Variants in MTFR1 observed in about 807,000 individuals in gnomAD.
The protein encoded by MTFR1 is chondrocyte protein with a poly-proline region.
MTFR1 carries 28 observed loss-of-function variants against 38.8 expected under a neutral mutation model. That is an observed-to-expected ratio of 0.72 (90% confidence interval 0.53 to 0.99). The LOEUF (loss-of-function observed/expected upper bound fraction) is 0.99. Ranked by LOEUF, MTFR1 falls within the 50% of genes least tolerant of loss-of-function variation. The pLI, the probability that MTFR1 is intolerant of heterozygous loss-of-function variation, is 0.00. For synonymous variants in MTFR1, 145 were observed against 137.0 expected, an observed-to-expected ratio of 1.06 and a Z score of -0.41; for missense variants, 358 against 395.5, an observed-to-expected ratio of 0.91 and a Z score of 0.81.
chr8:65,688,556 C>G (rs1563449672), intron 3 of MTFR1, among the ~76,000 whole-genome samples: 2 of 148,840 alleles, frequency 1.3e-5, no homozygotes, highest in African/African-American at 4.9e-5. Context: ...TCACGCCATT[C>G]TCCTGCCTCA....
At chr8:65,774,746 T>C (rs1483077419), downstream of MTFR1, among the ~76,000 whole-genome samples, 1 of 151,912 alleles carries the variant, frequency 6.6e-6, no homozygotes, top group Non-Finnish European at 1.5e-5. Flanking sequence ...ACCCATAACA[T>C]GTAACATAAA....
At chr8:65,750,526 GAGAC>G (rs1807897300) in intron 3 of MTFR1, among the ~76,000 whole-genome samples, 1 of 151,188 alleles carries the variant, frequency 6.6e-6, no homozygotes, top group African/African-American at 2.4e-5. Flanking sequence ...GTGTGTGTGT[GAGAC>G]AGAGAGAGAA....
intron 3 of MTFR1, chr8:65,682,702 G>A (rs928443450): frequency 1.1e-6 from 1 of 898,224 alleles, no homozygotes; most frequent in African/African-American, 1.8e-5. Flanking sequence ...CATATAATAA[G>A]CTAAGCAGTT....
chr8:65,658,571 T>A (rs2129048571), intron 1 of MTFR1, among the ~76,000 whole-genome samples: 1 of 152,296 alleles, frequency 6.6e-6, no homozygotes, highest in East Asian at 1.9e-4. Context: ...GCCTATACCA[T>A]CTTCATAACA....
rs1428719252 is a variant in MTFR1, at chr8:65,709,233, TTGGTGCTCTCCACAACA to T, written c.*192_*208del. The T allele has an allele frequency of 1.7e-6, 1 of 576,134 alleles. No individual in the cohort carries two copies. Among genetic ancestry groups the T allele is most frequent in the Admixed American group, 3.0e-5 (1 of 33,808 alleles). The allele number at this position is 576,134 out of a possible 1,614,324, so 35.7% of individuals were successfully genotyped here. A position where few individuals can be genotyped will look rare whatever the true frequency, so the allele number is the denominator to read the frequency against. On this transcript the variant is annotated 3_prime_UTR_variant, in exon 8 of 8. Coordinates refer to ENST00000262146, the MANE Select transcript of MTFR1 (RefSeq NM_014637.4). Reference sequence around the variant, plus strand: ...TTTTGCTTTTGTGAGATGGTCAGCTTTGGTGCTCTCCACAACATGTGTGTTCTGACATGTTTCTAATA... The same window carrying T: ...TTTTGCTTTTGTGAGATGGTCAGCTTTGTGTGTTCTGACATGTTTCTAATA...
chr8:65,684,459 C>T (rs1406923782), intron 3 of MTFR1, among the ~76,000 whole-genome samples: 1 of 151,458 alleles, frequency 6.6e-6, no homozygotes, highest in Non-Finnish European at 1.5e-5. Flanking sequence ...AATCTCGGCT[C>T]ACTGCAACCT....
At chr8:65,773,189 A>G (rs1434182855), downstream of MTFR1, among the ~76,000 whole-genome samples, 1 of 152,202 alleles carries the variant, frequency 6.6e-6, no homozygotes, top group African/African-American at 2.4e-5. Context: ...CACAAAACAC[A>G]CTAGATTACA....
At chr8:65,774,397 G>A (rs911595068), downstream of MTFR1, among the ~76,000 whole-genome samples, 16 of 152,046 alleles carry the variant, frequency 1.1e-4, no homozygotes, top group Admixed American at 2.0e-4. Context: ...AAAGAGCTTT[G>A]AAACTAATCA....
chr8:65,749,206 T>C (rs1807820930), intron 3 of MTFR1, among the ~76,000 whole-genome samples: 1 of 152,238 alleles, frequency 6.6e-6, no homozygotes, highest in East Asian at 1.9e-4. Flanking sequence ...GAACAAATGA[T>C]GACTTTCAGA....
intron 3 of MTFR1, among the ~76,000 whole-genome samples, chr8:65,741,447 A>G (rs1807432258): frequency 6.6e-6 from 1 of 152,212 alleles, no homozygotes; most frequent in South Asian, 2.1e-4. Flanking sequence ...CTGCCAACAA[A>G]AGACCACAGC....
chr8:65,736,886 G>T lies in MTFR1; in HGVS notation c.*48+17405G>T, dbSNP rs533867297. ...TTTGGCTGTACATTCTTGGTATTGAGGCTTTTTTTTTTTTGAGATGGAGTC... is the reference window on the plus strand; with the variant it reads ...TTTGGCTGTACATTCTTGGTATTGATGCTTTTTTTTTTTTGAGATGGAGTC... On this transcript the variant is annotated intron_variant, in intron 3 of 3. Transcript: ENST00000521247. Among the ~76,000 whole-genome samples the T allele has an allele frequency of 2.0e-4, 26 of 127,646 alleles. 1 individual carries two copies. The South Asian group carries it at 5.3e-3, about 26-fold the overall frequency. 83.7% of individuals were successfully genotyped at this position (127,646 alleles called of 152,430 possible).
At chr8:65,716,163 AC>A (rs1474967167) in intron 2 of MTFR1, among the ~76,000 whole-genome samples, 83 of 151,220 alleles carry the variant, frequency 5.5e-4, no homozygotes, top group African/African-American at 1.7e-3. Context: ...AAAAAAAAAA[AC>A]AAAAGGGCTA....
Position 65,682,942 on chromosome 8 carries a change from A to C in MTFR1, c.165+491A>C, listed in dbSNP as rs1483171514. ...TTGGCAATGACAGTGTCAAGACAAAAAGGTAATTGTGGTTTTCGCAGTGAG... is the reference window on the plus strand; with the variant it reads ...TTGGCAATGACAGTGTCAAGACAAACAGGTAATTGTGGTTTTCGCAGTGAG... On this transcript the variant is annotated intron_variant, in intron 3 of 7. Transcript: ENST00000262146. The C allele has an allele frequency of 6.1e-6, 6 of 984,608 alleles. No individual in the cohort carries two copies. The Admixed American group carries it at 3.7e-4, about 61-fold the overall frequency. The allele number at this position is 984,608 out of a possible 1,614,324, so 61.0% of individuals were successfully genotyped here.
chr8:65,719,589 T>C, intron 3 of MTFR1: 1 of 780,920 alleles, frequency 1.3e-6, no homozygotes. Context: ...TACATCCTAC[T>C]CCAGTATTAC....
intron 2 of MTFR1, among the ~76,000 whole-genome samples, chr8:65,673,527 C>T (rs2129051824): frequency 6.6e-6 from 1 of 151,676 alleles, no homozygotes; most frequent in Admixed American, 6.6e-5. Context: ...ATGGGTGCAG[C>T]AAACCACCAT....
chr8:65,662,717 T>C (rs1809473586), intron 1 of MTFR1, among the ~76,000 whole-genome samples: 2 of 131,890 alleles, frequency 1.5e-5, no homozygotes, highest in Non-Finnish European at 3.4e-5. Flanking sequence ...AGCCACACCG[T>C]CTGAGAAGTG....
intron 3 of MTFR1, chr8:65,734,916 C>T (rs368148292): frequency 9.6e-6 from 14 of 1,455,662 alleles, no homozygotes; most frequent in South Asian, 1.1e-5. Flanking sequence ...AAAGAGATCC[C>T]GATTTTATTG....
chr8:65,727,151 A>G, intron 3 of MTFR1: 1 of 1,360,890 alleles, frequency 7.3e-7, no homozygotes, highest in Non-Finnish European at 1.0e-6. Flanking sequence ...ATAAATCTTG[A>G]TGATAAAATT....
the MTFR1 span, among the ~76,000 whole-genome samples, chr8:65,778,316 C>T: frequency 6.6e-6 from 1 of 152,278 alleles, no homozygotes; most frequent in Non-Finnish European, 1.5e-5. Context: ...CTAAGACTTC[C>T]CTGAGACTGC....
Sources: gnomAD v4.1 joint callset for allele counts (sites outside exome capture counted in the v4.1 genomes callset) on GRCh38, gnomAD v4.1.1 for gene constraint, MANE v1.5 for transcripts, NCBI Gene and HGNC (gene_info 2026-07-23, HGNC 2026-07-21) for gene names.